Variants in CNTN6 observed in about 807,000 individuals in gnomAD.
The protein encoded by CNTN6 is contactin 6.
Under a neutral mutation model 122.8 loss-of-function variants are expected in CNTN6, and 137 were observed. The observed-to-expected ratio is 1.12, with a 90% CI of 0.97 to 1.29. The LOEUF (loss-of-function observed/expected upper bound fraction) is 1.29, where lower values mean the gene tolerates loss of function less well. Ranked by LOEUF, CNTN6 falls within the 50% of genes most tolerant of loss-of-function variation. CNTN6 has a pLI of 0.00. For missense variants in CNTN6, 1,634 were observed against 1,223.4 expected, an observed-to-expected ratio of 1.34 and a Z score of -5.01; for synonymous variants, 570 against 426.0, an observed-to-expected ratio of 1.34 and a Z score of -4.16.
chr3:1,200,602 C>A (rs538345192), intron 2 of CNTN6, among the ~76,000 whole-genome samples: 3 of 152,240 alleles, frequency 2.0e-5, no homozygotes, highest in Admixed American at 2.0e-4. Context: ...CATAACTGGG[C>A]TCTCTTTTTT....
chr3:1,233,627 C>T (rs965939536), intron 4 of CNTN6, among the ~76,000 whole-genome samples: 3 of 146,124 alleles, frequency 2.1e-5, no homozygotes, highest in South Asian at 2.2e-4. Flanking sequence ...CCCAGCTACT[C>T]GGGAGGCTGA....
chr3:1,352,590 C>T (rs1326135616), intron 12 of CNTN6, 139 bp downstream of exon 12: 5 of 964,068 alleles, frequency 5.2e-6, no homozygotes, highest in Middle Eastern at 3.0e-4. Context: ...AGATCCATTC[C>T]CGTACTCATT....
chr3:1,275,612 T>A (rs1423560982), intron 4 of CNTN6, among the ~76,000 whole-genome samples: 2 of 152,178 alleles, frequency 1.3e-5, no homozygotes, highest in Non-Finnish European at 2.9e-5. Context: ...GTGTATATGC[T>A]TATAAATCCC....
In CNTN6 at chr3:1,401,475, A is replaced by T. The variant is rs747471490; in HGVS notation, c.2747A>T (p.Asn916Ile). 2 of 1,612,114 alleles carry T rather than the reference A, an allele frequency of 1.2e-6. No homozygotes were observed. Among genetic ancestry groups the T allele is most frequent in the South Asian group, 2.2e-5 (2 of 90,994 alleles). Residue 916 changes from asparagine (N) to isoleucine (I), a missense_variant, in exon 21 of 23, where the codon AAC (asparagine) becomes ATC (isoleucine). Coordinates refer to ENST00000446702, the MANE Select transcript of CNTN6 (RefSeq NM_001289080.2). ...PPANIAWKLT[N>I]SKLCLNWEHV... The stretch of plus-strand genomic sequence containing the variant: ...GCAAACATTGCCTGGAAGCTGACAA[A>T]CTCTAAATTATGCTTGAACTGGGAG...
intron 10 of CNTN6, among the ~76,000 whole-genome samples, chr3:1,329,509 G>A (rs1047477288): frequency 1.1e-4 from 16 of 151,444 alleles, no homozygotes; most frequent in African/African-American, 1.5e-4. Flanking sequence ...TATACTTTGC[G>A]CCAGGCACTA....
At position 1,359,354 on chromosome 3, in the gene CNTN6, G is replaced by T. The variant is rs1260034462; in HGVS notation, c.1492+6903G>T. On this transcript the variant is annotated intron_variant, in intron 12 of 22. Coordinates refer to ENST00000446702, the MANE Select transcript of CNTN6 (RefSeq NM_001289080.2). Reference sequence around the variant, plus strand: ...GTGTTTACATTTTACAATATTATTTGCTAGGGAAATAGGGTAACATTGCAT... The same window carrying T: ...GTGTTTACATTTTACAATATTATTTTCTAGGGAAATAGGGTAACATTGCAT... Among the ~76,000 whole-genome samples the T allele has an allele frequency of 3.3e-5, 5 of 152,012 alleles. No individual in the cohort carries two copies. The East Asian group carries it at 9.7e-4, about 29-fold the overall frequency.
intron 2 of CNTN6, among the ~76,000 whole-genome samples, chr3:1,165,511 T>G (rs1163217789): frequency 6.6e-6 from 1 of 152,086 alleles, no homozygotes; most frequent in Non-Finnish European, 1.5e-5. Context: ...TTTCAAACTT[T>G]TTTCCTACCT....
intron 12 of CNTN6, among the ~76,000 whole-genome samples, chr3:1,353,917 T>C (rs975262252): frequency 6.6e-6 from 1 of 151,404 alleles, no homozygotes; most frequent in Non-Finnish European, 1.5e-5. Flanking sequence ...TAAAAGAAAG[T>C]TTCTTTAGAA....
At chr3:1,243,410 T>C (rs1205147878) in intron 4 of CNTN6, among the ~76,000 whole-genome samples, 1 of 152,170 alleles carries the variant, frequency 6.6e-6, no homozygotes, top group Admixed American at 6.5e-5. Flanking sequence ...TCTATTATTG[T>C]ACACCTTGAA....
At chr3:1,127,221 A>G (rs992451345) in intron 1 of CNTN6, among the ~76,000 whole-genome samples, 55 of 151,798 alleles carry the variant, frequency 3.6e-4, no homozygotes, top group African/African-American at 1.3e-3. Context: ...GACACATTCT[A>G]GCACAGTTTA....
At chr3:1,401,192 C>G (rs991928194) in intron 20 of CNTN6, 2 of 401,822 alleles carry the variant, frequency 5.0e-6, no homozygotes, top group African/African-American at 4.2e-5. Flanking sequence ...TAAATTAATA[C>G]TGGACATGCA....
rs1491110079 is a variant in CNTN6 at position 1,160,367 on chromosome 3, T to TATATATATATATAC, written c.55+12305_55+12306insTATATATATATACA. On this transcript the variant is annotated intron_variant, in intron 2 of 22. Coordinates refer to ENST00000446702, the MANE Select transcript of CNTN6 (RefSeq NM_001289080.2). ...CTGTATATATATATATATATATATATACACACTACCTATATGGTCATTTAG... is the reference window on the plus strand; with the variant it reads ...CTGTATATATATATATATATATATATATATATATATATACACACACTACCTATATGGTCATTTAG... 4.4e-5 allele frequency among the ~76,000 whole-genome samples: 5 copies of TATATATATATATAC among 112,558 alleles called. No individual in the cohort carries two copies. In the East Asian group the frequency reaches 7.9e-4, roughly 18 times the overall value. The allele number at this position is 112,558 out of a possible 152,430, so 73.8% of individuals were successfully genotyped here.
At chr3:1,369,834 A>C (rs1708744655) in intron 12 of CNTN6, among the ~76,000 whole-genome samples, 1 of 150,914 alleles carries the variant, frequency 6.6e-6, no homozygotes, top group South Asian at 2.1e-4. Context: ...ATTTTCTTGG[A>C]TCCCTGGATA....
At chr3:1,237,416 C>T (rs1412708526) in intron 4 of CNTN6, among the ~76,000 whole-genome samples, 3 of 152,082 alleles carry the variant, frequency 2.0e-5, no homozygotes, top group South Asian at 2.1e-4. Flanking sequence ...AATACCCAAA[C>T]CTAAGAATAA....
chr3:1,267,399 T>C (rs961687688), intron 4 of CNTN6, among the ~76,000 whole-genome samples: 3 of 152,036 alleles, frequency 2.0e-5, no homozygotes, highest in Non-Finnish European at 4.4e-5. Flanking sequence ...AGCACTGGTG[T>C]GTATATTTAT....
At chr3:1,327,636 C>A in intron 10 of CNTN6, 50 bp downstream of exon 10, 1 of 1,583,442 alleles carries the variant, frequency 6.3e-7, no homozygotes, top group Non-Finnish European at 8.6e-7. Flanking sequence ...TTTTAACAAG[C>A]TATAATTATG....
At chr3:1,236,045 C>T (rs1219216931) in intron 4 of CNTN6, among the ~76,000 whole-genome samples, 1 of 152,122 alleles carries the variant, frequency 6.6e-6, no homozygotes, top group Non-Finnish European at 1.5e-5. Context: ...CCATCCCTCA[C>T]AGCAGCTGCA....
At chr3:1,241,331 C>T (rs974900305) in intron 4 of CNTN6, among the ~76,000 whole-genome samples, 32 of 151,688 alleles carry the variant, frequency 2.1e-4, no homozygotes, top group Admixed American at 9.8e-4. Flanking sequence ...GGAGAGAGAA[C>T]GGGCGATGTT....
At chr3:1,300,620 A>C (rs1360377946) in intron 7 of CNTN6, among the ~76,000 whole-genome samples, 2 of 152,054 alleles carry the variant, frequency 1.3e-5, no homozygotes, top group Non-Finnish European at 2.9e-5. Context: ...AAAGAAAGGA[A>C]GAAAAGGAGA....
Sources: allele counts gnomAD v4.1 joint callset (sites outside exome capture counted in the v4.1 genomes callset), GRCh38; gene constraint gnomAD v4.1.1; transcripts MANE v1.5; gene names NCBI Gene and HGNC (gene_info 2026-07-23, HGNC 2026-07-21).